The following TRIM13 variants were observed in gnomAD, a reference collection of about 807,000 sequenced individuals.
The protein encoded by TRIM13 is E3 ubiquitin-protein ligase TRIM13.
A neutral mutation model predicts 27.1 loss-of-function variants in TRIM13; 15 were observed. The ratio of observed to expected loss-of-function variants is 0.55; its 90% CI spans 0.37 to 0.85. The LOEUF is 0.85. Among genes scored for constraint, TRIM13 ranks in the 40% least tolerant of loss-of-function variants. TRIM13 has a pLI of 0.00. For missense variants in TRIM13, 402 were observed against 472.2 expected, an observed-to-expected ratio of 0.85 and a Z score of 1.38; for synonymous variants, 193 against 171.5, an observed-to-expected ratio of 1.13 and a Z score of -0.98.
Position 49,997,307 on chromosome 13 carries a change from A to G in TRIM13, c.-463A>G, listed in dbSNP as rs1365120056. On this transcript the variant is annotated 5_prime_UTR_variant, in exon 1 of 2. The change abolishes an upstream ATG in the 5' untranslated region. Transcript: ENST00000378182. ...CGGCAGAAACCAGCGGGGCACTGTC[A>G]TGGGCCTGGGGAGGAGCGGCCTGCG... The G allele has an allele frequency of 6.5e-5, 10 of 153,018 alleles. No individual in the cohort carries two copies. The highest frequency in any genetic ancestry group is 1.3e-4 in the Non-Finnish European group (9 of 68,696). The allele number at this position is 153,018 out of a possible 1,614,324, so 9.5% of individuals were successfully genotyped here.
Position 50,015,082 on chromosome 13 carries a change from AAAAAAAAAAAAAATATATAT to A in TRIM13, c.*1920_*1939del, listed in dbSNP as rs1876217336. On this transcript the variant is annotated 3_prime_UTR_variant, in exon 2 of 2. Coordinates refer to ENST00000378182, the MANE Select transcript of TRIM13 (RefSeq NM_213590.3). ...CTTTTCCCCTCCCAGTAATAAAAAA[AAAAAAAAAAAAAATATATAT>A]ATATATATATATATATATATATATA... 1 of 40,886 alleles carries A rather than the reference AAAAAAAAAAAAAATATATAT, an allele frequency of 2.4e-5. No individual in the cohort carries two copies. The highest frequency in any genetic ancestry group is 4.9e-5 in the Non-Finnish European group (1 of 20,512). The allele number at this position is 40,886 out of a possible 1,614,324, so 2.5% of individuals were successfully genotyped here.
In TRIM13 at chr13:50,013,866, C is replaced by G. The variant is rs1031760992; in HGVS notation, c.*702C>G. On this transcript the variant is annotated 3_prime_UTR_variant, in exon 2 of 2. Transcript: ENST00000378182. ...GACTGCTCTTAAAGCACCTTTTTGA[C>G]AGTGAACATGGTCTAAAAAAGGGAA... The G allele has an allele frequency of 6.0e-6, 1 of 166,622 alleles. No homozygotes were observed. Among genetic ancestry groups the G allele is most frequent in the Non-Finnish European group, 1.5e-5 (1 of 68,004 alleles). 10.3% of individuals were successfully genotyped at this position (166,622 alleles called of 1,614,324 possible). A position where few individuals can be genotyped will look rare whatever the true frequency, so the allele number is the denominator to read the frequency against.
At chr13:50,001,547 G>C (rs1874043469) in intron 1 of TRIM13, among the ~76,000 whole-genome samples, 1 of 152,044 alleles carries the variant, frequency 6.6e-6, no homozygotes, top group Non-Finnish European at 1.5e-5. Flanking sequence ...GAAATATCTT[G>C]GAAATTTTAA....
rs1876816095 is a variant in TRIM13, at chr13:50,017,963, GTTA to G, written c.*4804_*4806del. 1 of 167,092 alleles carries G rather than the reference GTTA, an allele frequency of 6.0e-6. No homozygotes were observed. The highest frequency in any genetic ancestry group is 2.1e-4 in the South Asian group (1 of 4,822). The allele number at this position is 167,092 out of a possible 1,614,324, so 10.4% of individuals were successfully genotyped here. ...CAAGGTTAACCTAGCAGGTTGCTCA[GTTA>G]TTATCTCTCAAGGTCACAGTACTAG... On this transcript the variant is annotated 3_prime_UTR_variant, in exon 2 of 2. Transcript: ENST00000378182.
At chr13:50,000,805 A>G (rs1873935572) in intron 1 of TRIM13, among the ~76,000 whole-genome samples, 1 of 152,230 alleles carries the variant, frequency 6.6e-6, no homozygotes, top group Admixed American at 6.5e-5. Context: ...AGCTAGTTGC[A>G]TGGATAACTT....
intron 1 of TRIM13, among the ~76,000 whole-genome samples, chr13:50,007,978 A>C (rs952603042): frequency 6.6e-6 from 1 of 150,860 alleles, no homozygotes; most frequent in African/African-American, 2.4e-5. Context: ...TGTCTCGGCT[A>C]ACTGCAAGCT....
chr13:50,001,309 AG>A (rs1344321083), intron 1 of TRIM13, among the ~76,000 whole-genome samples: 1 of 151,008 alleles, frequency 6.6e-6, no homozygotes, highest in Non-Finnish European at 1.5e-5. Flanking sequence ...AAAAAAAAAA[AG>A]GCAGGAAAGA....
At chr13:50,007,910 CT>C (rs750998094) in intron 1 of TRIM13, among the ~76,000 whole-genome samples, 167 of 143,668 alleles carry the variant, frequency 1.2e-3, no homozygotes, top group Non-Finnish European at 1.3e-3. Flanking sequence ...AAAGTATTCG[CT>C]TTTTTTTTTT....
In TRIM13 at chr13:50,015,083, AAAAAAAAAAAAATATATATATATAT is replaced by A. The variant is rs1594590520; in HGVS notation, c.*1921_*1945del. ...TTTTCCCCTCCCAGTAATAAAAAAA[AAAAAAAAAAAAATATATATATATAT>A]ATATATATATATATATATATATATA... On this transcript the variant is annotated 3_prime_UTR_variant, in exon 2 of 2. Coordinates refer to ENST00000378182, the MANE Select transcript of TRIM13 (RefSeq NM_213590.3). 1 of 50,240 alleles carries A rather than the reference AAAAAAAAAAAAATATATATATATAT, an allele frequency of 2.0e-5. No individual in the cohort carries two copies. The highest frequency in any genetic ancestry group is 8.8e-4 in the South Asian group (1 of 1,138). The allele number at this position is 50,240 out of a possible 1,614,324, so 3.1% of individuals were successfully genotyped here.
chr13:50,003,682 C>T (rs570995955), intron 1 of TRIM13, among the ~76,000 whole-genome samples: 2 of 152,170 alleles, frequency 1.3e-5, no homozygotes, highest in South Asian at 4.1e-4. Context: ...CTGTTGTTGC[C>T]AGATACTAAT....
rs751989115 is a variant in TRIM13 at position 50,013,084 on chromosome 13, T to G, written c.1144T>G (p.Phe382Val). 5.0e-6 allele frequency: 8 copies of G among 1,613,060 alleles called. No individual in the cohort carries two copies. The Admixed American group carries it at 1.3e-4, about 27-fold the overall frequency. Reference protein sequence around the residue: ...WEQVTDGFFIFNERFKNFTLV... With the variant: ...WEQVTDGFFIVNERFKNFTLV... The stretch of plus-strand genomic sequence containing the variant: ...ACAGGTGACAGATGGGTTTTTCATT[T>G]TCAATGAAAGATTCAAGAATTTTAC... Residue 382 changes from phenylalanine to valine, a missense_variant, in exon 2 of 2, where the codon TTC (phenylalanine) becomes GTC (valine). Around this residue, in one of 2 missense-constraint regions of TRIM13, gnomAD observed 200 missense variants for 194.7 expected, o/e 1.03. Coordinates refer to ENST00000378182, the MANE Select transcript of TRIM13 (RefSeq NM_213590.3).
chr13:50,012,957 A>G lies in TRIM13; in HGVS notation c.1017A>G (p.Ser339=), dbSNP rs774235928. 1 of 1,613,868 alleles carries G rather than the reference A, an allele frequency of 6.2e-7. No homozygotes were observed. The highest frequency in any genetic ancestry group is 1.1e-5 in the South Asian group (1 of 91,068). The change falls in exon 2 of 2, where the codon TCA becomes TCG. Residue 339 remains serine (S), a synonymous_variant. Transcript: ENST00000378182. ...GTCCTACCATGTTCCTAGAATGGTC[A>G]TTATTTGATGACCTGGCAACTTGGA... ...VFGPTMFLEW[S]LFDDLATWKG... is the part of the protein sequence containing the mutation.
chr13:50,013,273 T>A lies in TRIM13; in HGVS notation c.*109T>A. The A allele has an allele frequency of 8.6e-7, 1 of 1,161,024 alleles. No individual in the cohort carries two copies. 71.9% of individuals were successfully genotyped at this position (1,161,024 alleles called of 1,614,324 possible). On this transcript the variant is annotated 3_prime_UTR_variant, in exon 2 of 2. Coordinates refer to ENST00000378182, the MANE Select transcript of TRIM13 (RefSeq NM_213590.3). ...AGTCACATATTTTCCTCCAAAAGTATTCCTTCCAAAAATAATCTATACATG... is the reference window on the plus strand; with the variant it reads ...AGTCACATATTTTCCTCCAAAAGTAATCCTTCCAAAAATAATCTATACATG...
chr13:49,997,903 A>T (rs557041625), intron 1 of TRIM13, 140 bp downstream of exon 1: 1 of 152,044 alleles, frequency 6.6e-6, no homozygotes, highest in South Asian at 2.1e-4. Context: ...TGTTCTTTGC[A>T]TATTTTGTTA....
At chr13:50,007,097 C>T (rs538618404) in intron 1 of TRIM13, among the ~76,000 whole-genome samples, 5 of 151,076 alleles carry the variant, frequency 3.3e-5, no homozygotes, top group South Asian at 2.1e-4. Context: ...GCAGAGGAAC[C>T]GCTTGAACCC....
intron 1 of TRIM13, among the ~76,000 whole-genome samples, chr13:50,007,931 GTATTGCTGT>G (rs1875014096): frequency 6.6e-6 from 1 of 150,890 alleles, no homozygotes; most frequent in African/African-American, 2.4e-5. Flanking sequence ...TTGAGACAGA[GTATTGCTGT>G]GTTGCCCAGG....
intron 1 of TRIM13, among the ~76,000 whole-genome samples, chr13:50,008,417 G>C (rs1284828084): frequency 6.6e-6 from 1 of 152,102 alleles, no homozygotes; most frequent in Non-Finnish European, 1.5e-5. Context: ...TGTGATCTCA[G>C]TGCTTTGCGA....
At position 50,010,613 on chromosome 13, in the gene TRIM13, A is replaced by C. The variant is rs1275979793; in HGVS notation, c.-6-1322A>C. ...CTCACATTCATTAATATCACTGCCC[A>C]TCTCATCATAAAAGTCTTTAATTAA... On this transcript the variant is annotated intron_variant, in intron 1 of 1. Coordinates refer to ENST00000378182, the MANE Select transcript of TRIM13 (RefSeq NM_213590.3). Among the ~76,000 whole-genome samples, 4 of 152,144 alleles carry C rather than the reference A, an allele frequency of 2.6e-5. No homozygotes were observed. The East Asian group carries it at 7.7e-4, about 29-fold the overall frequency.
chr13:50,008,148 G>A (rs561003043), intron 1 of TRIM13, among the ~76,000 whole-genome samples: 11 of 152,064 alleles, frequency 7.2e-5, no homozygotes, highest in Non-Finnish European at 8.8e-5. Flanking sequence ...CTCGTGATCC[G>A]CCTGCCTCGG....
Sources: allele counts gnomAD v4.1 joint callset (sites outside exome capture counted in the v4.1 genomes callset), GRCh38; gene constraint gnomAD v4.1.1; regional missense constraint gnomAD v4.1.1; transcripts MANE v1.5; gene names NCBI Gene and HGNC (gene_info 2026-07-23, HGNC 2026-07-21).